GRM5: variants seen among roughly 807,000 people sequenced by gnomAD.
The protein encoded by GRM5 is metabotropic glutamate receptor 5.
In GRM5, 19 loss-of-function variants were observed where a neutral mutation model predicts 83.1. That is an observed-to-expected ratio of 0.23 (90% CI 0.16 to 0.34). GRM5 has a LOEUF of 0.34. GRM5 is among the 10% of genes least tolerant of loss of function. The probability of loss-of-function intolerance (pLI) is 1.00; values close to 1 mark genes in which losing one functional copy is unlikely to be tolerated. For missense variants in GRM5, 1,160 were observed against 1,588.3 expected, an observed-to-expected ratio of 0.73 and a Z score of 4.58; for synonymous variants, 675 against 633.6, an observed-to-expected ratio of 1.07 and a Z score of -0.98.
At chr11:89,007,930 T>G (rs1940575993) in intron 2 of GRM5, among the ~76,000 whole-genome samples, 1 of 152,242 alleles carries the variant, frequency 6.6e-6, no homozygotes, top group South Asian at 2.1e-4. Flanking sequence ...CCTTGTTTAA[T>G]CACTCACAAT....
chr11:88,672,735 C>T (rs1291002352), intron 3 of GRM5, among the ~76,000 whole-genome samples: 1 of 151,822 alleles, frequency 6.6e-6, no homozygotes, highest in African/African-American at 2.4e-5. Flanking sequence ...TTATATAATA[C>T]ATAATAATTA....
chr11:89,016,014 T>C (rs1591050173), intron 2 of GRM5, among the ~76,000 whole-genome samples: 1 of 152,186 alleles, frequency 6.6e-6, no homozygotes, highest in Non-Finnish European at 1.5e-5. Flanking sequence ...ATTGCAGATA[T>C]TGAAACAATC....
At chr11:88,629,463 C>A (rs566591098) in intron 4 of GRM5, among the ~76,000 whole-genome samples, 3 of 152,292 alleles carry the variant, frequency 2.0e-5, no homozygotes, top group Admixed American at 2.0e-4. Context: ...ACATGGCAGG[C>A]AAATTCTGAG....
intron 3 of GRM5, among the ~76,000 whole-genome samples, chr11:88,721,256 C>T (rs973495150): frequency 6.6e-6 from 1 of 152,046 alleles, no homozygotes; most frequent in Admixed American, 6.6e-5. Flanking sequence ...TAATTTTTCT[C>T]CTTTCTAGAA....
intron 6 of GRM5, among the ~76,000 whole-genome samples, chr11:88,592,915 G>C (rs947907129): frequency 6.6e-6 from 1 of 152,144 alleles, no homozygotes. Context: ...CCCAGCCCAA[G>C]AGAGCCTCCC....
At chr11:88,545,502 G>C (rs1942368556) in intron 8 of GRM5, among the ~76,000 whole-genome samples, 1 of 140,006 alleles carries the variant, frequency 7.1e-6, no homozygotes, top group Admixed American at 7.8e-5. Context: ...CTTTCTTTGA[G>C]CTCATAGGAC....
At chr11:88,534,754 T>C (rs186260845) in intron 8 of GRM5, among the ~76,000 whole-genome samples, 1 of 152,244 alleles carries the variant, frequency 6.6e-6, no homozygotes, top group African/African-American at 2.4e-5. Flanking sequence ...AATAATATGG[T>C]TTGGCTCTGT....
At chr11:88,677,605 A>C (rs1350963585) in intron 3 of GRM5, among the ~76,000 whole-genome samples, 1 of 152,166 alleles carries the variant, frequency 6.6e-6, no homozygotes, top group Non-Finnish European at 1.5e-5. Flanking sequence ...CTATACCTTA[A>C]GCCTGACCAC....
At chr11:88,756,707 T>G (rs530228794) in intron 3 of GRM5, among the ~76,000 whole-genome samples, 1 of 151,798 alleles carries the variant, frequency 6.6e-6, no homozygotes, top group Non-Finnish European at 1.5e-5. Flanking sequence ...ATCAGCAAAA[T>G]TGAAGATAGG....
intron 3 of GRM5, among the ~76,000 whole-genome samples, chr11:88,660,967 A>G (rs2135317491): frequency 6.6e-6 from 1 of 152,314 alleles, no homozygotes; most frequent in South Asian, 2.1e-4. Flanking sequence ...AAATACAGTG[A>G]CATTCATTGC....
chr11:88,929,624 G>A (rs1937643301), intron 2 of GRM5, among the ~76,000 whole-genome samples: 1 of 151,924 alleles, frequency 6.6e-6, no homozygotes, highest in East Asian at 1.9e-4. Context: ...TTATTCAAAG[G>A]TATTTTATTA....
intron 3 of GRM5, among the ~76,000 whole-genome samples, chr11:88,714,303 G>T (rs1418989521): frequency 3.3e-5 from 5 of 151,930 alleles, no homozygotes; most frequent in Admixed American, 3.3e-4. Flanking sequence ...GGAGGGGTAG[G>T]AAGGTTTCTC....
chr11:88,676,123 A>C (rs530656214), intron 3 of GRM5, among the ~76,000 whole-genome samples: 47 of 152,142 alleles, frequency 3.1e-4, no homozygotes, highest in African/African-American at 1.1e-3. Flanking sequence ...TTCTATAAAG[A>C]TAATTTAATG....
At chr11:88,576,373 G>A (rs1943110128) in intron 7 of GRM5, among the ~76,000 whole-genome samples, 1 of 152,130 alleles carries the variant, frequency 6.6e-6, no homozygotes, top group South Asian at 2.1e-4. Context: ...TGAAATGGTA[G>A]ATTTAGCAAT....
intron 3 of GRM5, among the ~76,000 whole-genome samples, chr11:88,742,230 A>G (rs994614161): frequency 6.6e-6 from 1 of 151,996 alleles, no homozygotes. Flanking sequence ...ATAATTATTT[A>G]CATTTGCATA....
rs111571740 is a variant in GRM5 at position 88,668,946 on chromosome 11, T to A, written c.912-15543A>T. On this transcript the variant is annotated intron_variant, in intron 3 of 9. Transcript: ENST00000305447. ...CATTATGTTATTTCACTTAGCATAA[T>A]GTTCTCACAGTTTATCCATAGCAAA... Among the ~76,000 whole-genome samples the A allele has an allele frequency of 3.9e-3, 591 of 152,306 alleles. 3 individuals are homozygous for A. The highest frequency in any genetic ancestry group is 0.014 in the African/African-American group (569 of 41,578).
intron 3 of GRM5, among the ~76,000 whole-genome samples, chr11:88,846,979 A>T (rs2135536846): frequency 6.6e-6 from 1 of 152,320 alleles, no homozygotes; most frequent in South Asian, 2.1e-4. Flanking sequence ...TCTACTCTAC[A>T]GAAGACAAGT....
At chr11:88,753,808 T>C (rs1293810995) in intron 3 of GRM5, among the ~76,000 whole-genome samples, 1 of 152,068 alleles carries the variant, frequency 6.6e-6, no homozygotes, top group Non-Finnish European at 1.5e-5. Context: ...GGCCTCACAT[T>C]TCCACATGGC....
chr11:88,631,605 C>T (rs1591395517), intron 4 of GRM5, among the ~76,000 whole-genome samples: 1 of 151,950 alleles, frequency 6.6e-6, no homozygotes, highest in African/African-American at 2.4e-5. Context: ...AGTAACTGGC[C>T]CCCGGTTACA....
Sources: allele counts gnomAD v4.1 joint callset (sites outside exome capture counted in the v4.1 genomes callset), GRCh38; gene constraint gnomAD v4.1.1; transcripts MANE v1.5; gene names NCBI Gene and HGNC (gene_info 2026-07-23, HGNC 2026-07-21).